The following PSMD11 variants were observed in gnomAD, a reference collection of about 807,000 sequenced individuals.
PSMD11 encodes 26S proteasome non-ATPase regulatory subunit 11.
In PSMD11, 5 loss-of-function variants were observed where a neutral mutation model predicts 62.3. The observed-to-expected ratio is 0.08, with a 90% CI of 0.04 to 0.17. PSMD11 has a LOEUF of 0.17. PSMD11 is among the 10% of genes least tolerant of loss of function. The pLI is 1.00. For missense variants in PSMD11, 310 were observed against 512.9 expected (o/e 0.60, Z 3.82); for synonymous variants, 191 against 191.8 (o/e 1.00, Z 0.03).
chr17:32,477,870 A>G (rs909673362), intron 9 of PSMD11: 1 of 220,598 alleles, frequency 4.5e-6, no homozygotes, highest in African/African-American at 2.3e-5. Flanking sequence ...CCTATTTATT[A>G]TCTGCATTTT....
In PSMD11 at chr17:32,469,075, A is replaced by G. The variant is rs151071670; in HGVS notation, c.525A>G (p.Lys175=). The part of the protein sequence containing the change: ...LLVEVQLLES[K]TYHALSNLPK... ...TGGAAGTACAGCTTTTAGAAAGCAA[A>G]ACATACCATGCCCTGAGCAACCTGC... Residue 175 remains lysine, a synonymous_variant, in exon 6 of 14, where the codon AAA becomes AAG. Transcript: ENST00000261712. 2 of 1,613,930 alleles carry G rather than the reference A, an allele frequency of 1.2e-6. No individual in the cohort carries two copies. The highest frequency in any genetic ancestry group is 1.7e-5 in the Admixed American group (1 of 59,978).
chr17:32,467,858 A>G (rs1015563583), intron 5 of PSMD11, among the ~76,000 whole-genome samples: 3 of 152,062 alleles, frequency 2.0e-5, no homozygotes, highest in East Asian at 3.9e-4. Context: ...GGTTTGTTAC[A>G]TAGGTAAACT....
chr17:32,454,379 A>T, intron 2 of PSMD11, 116 bp from the exon 3 acceptor site: 1 of 1,046,220 alleles, frequency 9.6e-7, no homozygotes, highest in Non-Finnish European at 1.4e-6. Flanking sequence ...AGTTTCACTT[A>T]GACTGATTCC....
chr17:32,461,554 A>G (rs992453702), intron 3 of PSMD11, among the ~76,000 whole-genome samples: 2 of 148,874 alleles, frequency 1.3e-5, no homozygotes, highest in African/African-American at 5.0e-5. Flanking sequence ...CTGGGCATCA[A>G]GAGTGAGACT....
At chr17:32,467,198 C>A (rs923231073) in intron 5 of PSMD11, among the ~76,000 whole-genome samples, 9 of 151,036 alleles carry the variant, frequency 6.0e-5, no homozygotes, top group Non-Finnish European at 1.2e-4. Flanking sequence ...CCGCCTTGGC[C>A]TCCCAAAGTT....
chr17:32,454,803 T>C (rs1907602979), intron 3 of PSMD11, 184 bp downstream of exon 3: 2 of 558,826 alleles, frequency 3.6e-6, no homozygotes, highest in Admixed American at 3.7e-5. Flanking sequence ...CATGCTTTGC[T>C]TTGTAAGTGG....
chr17:32,447,445 ATTT>A (rs201173449), intron 2 of PSMD11: 1 of 155,152 alleles, frequency 6.4e-6, no homozygotes, highest in Admixed American at 6.4e-5. Context: ...ACTCACTGTC[ATTT>A]TTTTTTGATA....
At position 32,455,194 on chromosome 17, in the gene PSMD11, C is replaced by T. The variant is rs549749612; in HGVS notation, c.318+575C>T. On this transcript the variant is annotated intron_variant, in intron 3 of 13. Coordinates refer to ENST00000261712, the MANE Select transcript of PSMD11 (RefSeq NM_002815.4). ...GTATTTTCTGCAATTCAGGAAGAGACGCATACCAAAATTAAACATCATTCT... is the reference window on the plus strand; with the variant it reads ...GTATTTTCTGCAATTCAGGAAGAGATGCATACCAAAATTAAACATCATTCT... Among the ~76,000 whole-genome samples, 23 of 152,272 alleles carry T rather than the reference C, an allele frequency of 1.5e-4. No homozygotes were observed. The East Asian group carries it at 4.2e-3, about 28-fold the overall frequency.
intron 3 of PSMD11, among the ~76,000 whole-genome samples, chr17:32,460,382 C>T (rs1014744846): frequency 6.6e-6 from 1 of 152,104 alleles, no homozygotes; most frequent in Non-Finnish European, 1.5e-5. Flanking sequence ...TTTTAGAATA[C>T]TGTTAAGACA....
At position 32,481,136 on chromosome 17, in the gene PSMD11, T is replaced by C. The variant is rs1464245306; in HGVS notation, c.*384T>C. 1.9e-5 allele frequency: 3 copies of C among 154,904 alleles called. No homozygotes were observed. The highest frequency in any genetic ancestry group is 1.9e-4 in the East Asian group (1 of 5,248). 9.6% of individuals were successfully genotyped at this position (154,904 alleles called of 1,614,324 possible). A position where few individuals can be genotyped will look rare whatever the true frequency, so the allele number is the denominator to read the frequency against. ...GCATCACCTCTCCTCCTCCTCAGAA[T>C]TGGGTGTTTGCTGACCATCAAAAGC... On this transcript the variant is annotated 3_prime_UTR_variant, in exon 14 of 14. Coordinates refer to ENST00000261712, the MANE Select transcript of PSMD11 (RefSeq NM_002815.4).
intron 9 of PSMD11, among the ~76,000 whole-genome samples, chr17:32,478,369 C>T (rs1281531119): frequency 2.0e-5 from 3 of 152,192 alleles, no homozygotes; most frequent in Non-Finnish European, 4.4e-5. Context: ...TGGCATGATT[C>T]GCCTGCTTCC....
intron 5 of PSMD11, among the ~76,000 whole-genome samples, chr17:32,467,362 C>T (rs1908027085): frequency 6.6e-6 from 1 of 151,584 alleles, no homozygotes; most frequent in Non-Finnish European, 1.5e-5. Flanking sequence ...TCTCCTGCCT[C>T]AGCCTCCCGA....
chr17:32,471,317 A>G (rs1372590656), intron 6 of PSMD11, among the ~76,000 whole-genome samples: 1 of 152,248 alleles, frequency 6.6e-6, no homozygotes, highest in Non-Finnish European at 1.5e-5. Context: ...CTTCTAAGCA[A>G]TAGGGGATTG....
chr17:32,464,638 G>A lies in PSMD11; in HGVS notation c.448+60G>A, dbSNP rs1422038733. ...TAAATGAATGTATTCTAAACCACCT[G>A]GCTACTCTTACTAATTACCTGTTAA... On this transcript the variant is annotated intron_variant, in intron 5 of 13. Transcript: ENST00000261712. The A allele has an allele frequency of 3.0e-6, 4 of 1,327,042 alleles. 1 individual carries two copies. Among genetic ancestry groups the A allele is most frequent in the Non-Finnish European group, 4.2e-6 (4 of 951,576 alleles). 82.2% of individuals were successfully genotyped at this position (1,327,042 alleles called of 1,614,324 possible).
intron 8 of PSMD11, 26 bp downstream of exon 8, chr17:32,474,850 T>C: frequency 1.2e-6 from 2 of 1,601,900 alleles, no homozygotes; most frequent in Non-Finnish European, 1.7e-6. Flanking sequence ...ACTGCAGTTC[T>C]GCTCACTCTG....
chr17:32,458,452 T>A (rs1907713180), intron 3 of PSMD11, among the ~76,000 whole-genome samples: 1 of 152,216 alleles, frequency 6.6e-6, no homozygotes, highest in African/African-American at 2.4e-5. Flanking sequence ...TAGTCTTATC[T>A]CAAGTTCTAC....
intron 12 of PSMD11, 104 bp downstream of exon 12, chr17:32,480,301 C>T (rs1007722877): frequency 9.9e-6 from 15 of 1,512,158 alleles, no homozygotes; most frequent in African/African-American, 4.1e-5. Context: ...CGATGGTTCA[C>T]CCTGGGGTCC....
intron 1 of PSMD11, chr17:32,445,903 C>T (rs1332240290): frequency 2.0e-5 from 3 of 152,180 alleles, no homozygotes; most frequent in African/African-American, 7.2e-5. Flanking sequence ...GATCTTAGGT[C>T]AGTTACTTCT....
At chr17:32,479,101 T>C in intron 9 of PSMD11, 150 bp from the exon 10 acceptor site, 1 of 1,084,078 alleles carries the variant, frequency 9.2e-7, no homozygotes, top group Non-Finnish European at 1.3e-6. Context: ...ACATTCCTTT[T>C]CTGCTTTGTA....
Sources: allele counts gnomAD v4.1 joint callset (sites outside exome capture counted in the v4.1 genomes callset), GRCh38; gene constraint gnomAD v4.1.1; transcripts MANE v1.5; gene names NCBI Gene and HGNC (gene_info 2026-07-23, HGNC 2026-07-21).